The following SLCO4A1 variants were observed in gnomAD, a reference collection of about 807,000 sequenced individuals.
SLCO4A1 encodes solute carrier organic anion transporter family member 4A1, also known as colon organic anion transporter.
Under a neutral mutation model 64.6 loss-of-function variants are expected in SLCO4A1, and 51 were observed. That is an observed-to-expected ratio of 0.79 (90% CI 0.63 to 1.00). SLCO4A1 has a LOEUF of 1.00. Ranked by LOEUF, SLCO4A1 falls within the 50% of genes least tolerant of loss-of-function variation. The probability of loss-of-function intolerance (pLI) is 0.00; values close to 1 mark genes in which losing one functional copy is unlikely to be tolerated. For synonymous variants in SLCO4A1, 471 were observed against 444.9 expected, an observed-to-expected ratio of 1.06 and a Z score of -0.74; for missense variants, 919 against 980.5, an observed-to-expected ratio of 0.94 and a Z score of 0.84.
Position 62,658,688 on chromosome 20 carries a change from A to C in SLCO4A1, c.808A>C (p.Thr270Pro). Residue 270 changes from threonine (T) to proline (P), a missense_variant, in exon 3 of 12, where the codon ACA becomes CCA. Transcript: ENST00000217159. ...CSPVYIAIFY[T>P]AAILGPAAGY... ...TGCCTCTCTCGCAGCCATCTTCTAC[A>C]CAGCGGCCATCCTGGGCCCAGCTGC... is the stretch of plus-strand genomic sequence containing the variant. The C allele has an allele frequency of 6.2e-7, 1 of 1,611,164 alleles. No individual in the cohort carries two copies. The highest frequency in any genetic ancestry group is 8.5e-7 in the Non-Finnish European group (1 of 1,179,152).
chr20:62,679,092 T>C (rs753692550), intron 2 of SLCO4A1, among the ~76,000 whole-genome samples: 60 of 152,234 alleles, frequency 3.9e-4, no homozygotes, highest in Non-Finnish European at 1.5e-4. Flanking sequence ...TAATCCCAGC[T>C]ACTGCAGAGG....
chr20:62,664,984 C>T lies in SLCO4A1; in HGVS notation c.1172C>T (p.Ala391Val). ...CCCACGTTCATCCTGCTCTGCCTGG[C>T]CGGGGCCACCGAGGCCACTCTCATC... ...KNPTFILLCL[A>V]GATEATLITG... Residue 391 changes from alanine to valine, a missense_variant, in exon 6 of 12, where the codon GCC becomes GTC. Physicochemically the swap from Ala to Val is moderately conservative, Grantham distance 64. Transcript: ENST00000217159. 6.2e-7 allele frequency: 1 copy of T among 1,613,782 alleles called. No individual in the cohort carries two copies. Among genetic ancestry groups the T allele is most frequent in the Non-Finnish European group, 8.5e-7 (1 of 1,179,866 alleles).
chr20:62,657,232 T>C lies in SLCO4A1; in HGVS notation c.778T>C (p.Cys260Arg). Residue 260 changes from cysteine to arginine, a missense_variant, in exon 2 of 12, where the codon TGC becomes CGC. Cys to Arg is a radical substitution (Grantham distance 180). Coordinates refer to ENST00000217159, the MANE Select transcript of SLCO4A1 (RefSeq NM_016354.4). ...CCTGGATGAGAACGTCAAGTCCAGC[T>C]GCTCGCCCGTCTACATTGGTGAGTG... ...TYLDENVKSS[C>R]SPVYIAIFYT... 1 of 1,533,810 alleles carries C rather than the reference T, an allele frequency of 6.5e-7. No individual in the cohort carries two copies. The highest frequency in any genetic ancestry group is 1.2e-5 in the South Asian group (1 of 83,326).
intron 10 of SLCO4A1, among the ~76,000 whole-genome samples, 166 bp from the exon 11 acceptor site, chr20:62,668,764 G>A (rs1050315739): frequency 2.6e-5 from 4 of 152,142 alleles, no homozygotes; most frequent in African/African-American, 9.7e-5. Flanking sequence ...CCCCAATGCC[G>A]AATGCCCAAA....
Position 62,685,323 on chromosome 20 carries a change from C to G in SLCO4A1, n.212-118C>G. ...CCCTGGCTGCCCCCCGACACCTTCC[C>G]CAGCTGGTCGGTGCCCAAGGGTGGG... On this transcript the variant is annotated intron_variant and non_coding_transcript_variant, in intron 2 of 2. Transcript: ENST00000466818. The surrounding 1 kb of genome is among the most constrained non-coding windows in gnomAD (Gnocchi z 4.6). 2.6e-6 allele frequency: 1 copy of G among 391,472 alleles called. No individual in the cohort carries two copies. Among genetic ancestry groups the G allele is most frequent in the Non-Finnish European group, 3.5e-6 (1 of 287,234 alleles). 24.2% of individuals were successfully genotyped at this position (391,472 alleles called of 1,614,324 possible). A position where few individuals can be genotyped will look rare whatever the true frequency, so the allele number is the denominator to read the frequency against.
downstream of SLCO4A1, among the ~76,000 whole-genome samples, chr20:62,690,037 C>T (rs115865978): frequency 0.018 from 2,807 of 152,336 alleles, 81 homozygotes; most frequent in African/African-American, 0.062. Flanking sequence ...TGCGCCTGCG[C>T]GGCAGGTGAA....
intron 5 of SLCO4A1, among the ~76,000 whole-genome samples, chr20:62,662,174 G>A (rs970336096): frequency 9.2e-5 from 14 of 152,188 alleles, no homozygotes; most frequent in African/African-American, 3.4e-4. Context: ...GCCCCAAGCT[G>A]TCCACGGCAG....
intron 7 of SLCO4A1, chr20:62,666,840 G>C: frequency 2.1e-6 from 1 of 471,768 alleles, no homozygotes. Context: ...TCAGCACTCT[G>C]CTCTGTAGCT....
intron 11 of SLCO4A1, among the ~76,000 whole-genome samples, chr20:62,671,485 G>A (rs1488995436): frequency 6.6e-6 from 1 of 152,206 alleles, no homozygotes; most frequent in Non-Finnish European, 1.5e-5. Context: ...CTGGTGTCTG[G>A]CACTGTTCAA....
chr20:62,665,100 G>GA lies in SLCO4A1; in HGVS notation c.1276+14dup. The GA allele has an allele frequency of 6.3e-7, 1 of 1,598,150 alleles. No homozygotes were observed. The highest frequency in any genetic ancestry group is 8.5e-7 in the Non-Finnish European group (1 of 1,173,816). On this transcript the variant is annotated intron_variant, in intron 6 of 11. Coordinates refer to ENST00000217159, the MANE Select transcript of SLCO4A1 (RefSeq NM_016354.4). ...TGCCACCTTGTTTGGTGAGAAAACT[G>GA]AATCTTGGGGGTCCTCTGCTTTTAT... is the stretch of plus-strand genomic sequence containing the variant.
intron 11 of SLCO4A1, among the ~76,000 whole-genome samples, chr20:62,669,321 C>T (rs895695376): frequency 6.6e-6 from 1 of 152,240 alleles, no homozygotes; most frequent in African/African-American, 2.4e-5. Context: ...AAAGCCCAGG[C>T]CCAGGCCCTG....
chr20:62,668,076 G>T lies in SLCO4A1; in HGVS notation c.1703G>T (p.Gly568Val). The change falls in exon 9 of 12, where the codon GGG becomes GTG. Residue 568 changes from glycine (G) to valine (V), a missense_variant. Transcript: ENST00000217159. Reference protein sequence around the residue: ...LSSGFGHATAGKCTSTCQRKP... With the variant: ...LSSGFGHATAVKCTSTCQRKP... ...TCTGGTTTTGGCCATGCCACTGCAG[G>T]GAAATGCACTTCAACTTGTCAGAGA... is the stretch of plus-strand genomic sequence containing the variant. 3 of 1,613,988 alleles carry T rather than the reference G, an allele frequency of 1.9e-6. No individual in the cohort carries two copies. Among genetic ancestry groups the T allele is most frequent in the Non-Finnish European group, 2.5e-6 (3 of 1,180,022 alleles).
intron 1 of SLCO4A1, among the ~76,000 whole-genome samples, chr20:62,655,113 C>T (rs527253307): frequency 1.3e-5 from 2 of 152,248 alleles, no homozygotes; most frequent in Non-Finnish European, 2.9e-5. Flanking sequence ...AAGACAGCTT[C>T]TTTTAGGGGT....
At chr20:62,676,230 C>T (rs754349785), downstream of SLCO4A1, among the ~76,000 whole-genome samples, 7 of 151,886 alleles carry the variant, frequency 4.6e-5, no homozygotes, top group Non-Finnish European at 1.0e-4. Context: ...AACTGGGCAA[C>T]GTAGCGAAAC....
At chr20:62,654,678 T>C (rs1983314261) in intron 1 of SLCO4A1, among the ~76,000 whole-genome samples, 2 of 152,062 alleles carry the variant, frequency 1.3e-5, no homozygotes, top group Admixed American at 1.3e-4. Context: ...GCCTCCCAGG[T>C]TGTGATGTTT....
downstream of SLCO4A1, chr20:62,672,418 C>A: frequency 3.0e-6 from 1 of 336,326 alleles, no homozygotes; most frequent in Non-Finnish European, 4.3e-6. Flanking sequence ...CTTCCTTATC[C>A]ACAGGCTCCC....
rs1981241929 is a variant in SLCO4A1 at position 62,645,923 on chromosome 20, C to T, written c.-97+3370C>T. On this transcript the variant is annotated intron_variant, in intron 1 of 11. Coordinates refer to ENST00000217159, the MANE Select transcript of SLCO4A1 (RefSeq NM_016354.4). The surrounding 1 kb of genome is among the most constrained non-coding windows in gnomAD (Gnocchi z 4.2). ...TTGCGATGCTTTGGGTGGCGTGTGT[C>T]GTCCAGTCTGCCCCAGGCTCACTTG... Among the ~76,000 whole-genome samples, 2 of 152,086 alleles carry T rather than the reference C, an allele frequency of 1.3e-5. No individual in the cohort carries two copies. The highest frequency in any genetic ancestry group is 2.1e-4 in the South Asian group (1 of 4,818).
Position 62,667,731 on chromosome 20 carries a change from TCC to T in SLCO4A1, c.1473-9_1473-8del, listed in dbSNP as rs745392345. On this transcript the variant is annotated splice_polypyrimidine_tract_variant and intron_variant, in intron 7 of 11. Transcript: ENST00000217159. ...TGGCCTGGACCCTACCACTCGCTTG[TCC>T]CCCCTCTGCAGCCTCCTGCCCGAAG... is the stretch of plus-strand genomic sequence containing the variant. The T allele has an allele frequency of 1.2e-6, 2 of 1,602,054 alleles. No individual in the cohort carries two copies. The highest frequency in any genetic ancestry group is 2.7e-5 in the African/African-American group (2 of 74,692).
At chr20:62,646,152 G>A (rs774414781) in intron 1 of SLCO4A1, among the ~76,000 whole-genome samples, 5 of 152,146 alleles carry the variant, frequency 3.3e-5, no homozygotes, top group South Asian at 2.1e-4. Context: ...CACATTGGGG[G>A]TCAGGTTTGA....
Sources: allele counts gnomAD v4.1 joint callset (sites outside exome capture counted in the v4.1 genomes callset), GRCh38; gene constraint gnomAD v4.1.1; non-coding constraint Gnocchi (gnomAD v3.1); transcripts MANE v1.5; gene names NCBI Gene and HGNC (gene_info 2026-07-23, HGNC 2026-07-21).